Variants in DOCK5 observed in about 807,000 individuals in gnomAD.
DOCK5 encodes the protein dedicator of cytokinesis protein 5.
DOCK5 carries 142 observed loss-of-function variants against 251.8 expected under a neutral mutation model. That is an observed-to-expected ratio of 0.56 (90% confidence interval 0.49 to 0.65). The LOEUF (loss-of-function observed/expected upper bound fraction) is 0.65. DOCK5 is among the 30% of genes least tolerant of loss of function. The probability of loss-of-function intolerance (pLI) is 0.00; values close to 1 mark genes in which losing one functional copy is unlikely to be tolerated. For missense variants in DOCK5, 2,111 were observed against 2,312.3 expected (o/e 0.91, Z 1.79); for synonymous variants, 842 against 835.5 (o/e 1.01, Z -0.13).
At chr8:25,189,921 C>G (rs1220494055) in intron 1 of DOCK5, among the ~76,000 whole-genome samples, 1 of 152,156 alleles carries the variant, frequency 6.6e-6, no homozygotes, top group Non-Finnish European at 1.5e-5. Context: ...GAGTCTTGCT[C>G]TGTCGCCCAG....
At chr8:25,400,025 GGAGGCCACA>G in intron 46 of DOCK5, 31 bp downstream of exon 46, 1 of 1,573,032 alleles carries the variant, frequency 6.4e-7, no homozygotes, top group Non-Finnish European at 8.7e-7. Context: ...ACACTCCCAG[GGAGGCCACA>G]GTGTGGGACA....
At chr8:25,203,675 A>T (rs1801933077) in intron 1 of DOCK5, among the ~76,000 whole-genome samples, 1 of 152,242 alleles carries the variant, frequency 6.6e-6, no homozygotes, top group East Asian at 1.9e-4. Context: ...ATTTTAGACC[A>T]GGAAAAGAGA....
intron 1 of DOCK5, among the ~76,000 whole-genome samples, chr8:25,204,563 A>G (rs1801955858): frequency 6.6e-6 from 1 of 152,216 alleles, no homozygotes; most frequent in Non-Finnish European, 1.5e-5. Context: ...CTAGGATCTA[A>G]AGTTGACATG....
intron 41 of DOCK5, among the ~76,000 whole-genome samples, chr8:25,389,531 G>T (rs950089200): frequency 6.6e-6 from 1 of 152,192 alleles, no homozygotes; most frequent in Non-Finnish European, 1.5e-5. Flanking sequence ...GGATTCTGTT[G>T]TAGACTTTGA....
At chr8:25,355,815 T>C (rs1029815863) in intron 27 of DOCK5, among the ~76,000 whole-genome samples, 13 of 152,086 alleles carry the variant, frequency 8.5e-5, no homozygotes, top group African/African-American at 2.7e-4. Context: ...TATTTAGAGA[T>C]TATAAATAAG....
chr8:25,318,161 C>T (rs1182035278), intron 14 of DOCK5, among the ~76,000 whole-genome samples: 1 of 152,060 alleles, frequency 6.6e-6, no homozygotes, highest in Non-Finnish European at 1.5e-5. Flanking sequence ...CAATCTCTGC[C>T]TGCTGCAACC....
intron 36 of DOCK5, 38 bp from the exon 37 acceptor site, chr8:25,374,526 T>G: frequency 6.4e-7 from 1 of 1,573,974 alleles, no homozygotes; most frequent in Non-Finnish European, 8.6e-7. Context: ...TATAAAACTC[T>G]CGAGTGACAA....
intron 22 of DOCK5, 142 bp downstream of exon 22, chr8:25,336,515 G>A (rs1805814164): frequency 1.7e-6 from 2 of 1,164,590 alleles, no homozygotes; most frequent in Non-Finnish European, 2.4e-6. Flanking sequence ...GGCTGAAGAT[G>A]GATTTGGGCT....
chr8:25,373,349 C>T (rs1264187928), intron 35 of DOCK5, among the ~76,000 whole-genome samples: 3 of 152,094 alleles, frequency 2.0e-5, no homozygotes, highest in African/African-American at 7.2e-5. Flanking sequence ...GCACCCGTCA[C>T]CCGAGCACTG....
chr8:25,414,663 A>C lies in DOCK5; in HGVS notation c.*3365A>C, dbSNP rs1050492450. ...GCAGATGGGTAATTTTCACATAGCTATTTGCCCACATCCGTGCCTCTAAGA... is the reference window on the plus strand; with the variant it reads ...GCAGATGGGTAATTTTCACATAGCTCTTTGCCCACATCCGTGCCTCTAAGA... On this transcript the variant is annotated 3_prime_UTR_variant, in exon 52 of 52. Transcript: ENST00000276440. The C allele has an allele frequency of 6.6e-6, 1 of 152,116 alleles. No individual in the cohort carries two copies. Among genetic ancestry groups the C allele is most frequent in the Admixed American group, 6.6e-5 (1 of 15,264 alleles). The allele number at this position is 152,116 out of a possible 1,614,324, so 9.4% of individuals were successfully genotyped here.
intron 1 of DOCK5, among the ~76,000 whole-genome samples, chr8:25,232,753 T>G (rs1192873814): frequency 6.6e-6 from 1 of 152,112 alleles, no homozygotes; most frequent in Non-Finnish European, 1.5e-5. Flanking sequence ...GATTTCAACA[T>G]AAACATTTAG....
At chr8:25,377,826 G>A (rs1157527644) in intron 38 of DOCK5, among the ~76,000 whole-genome samples, 6 of 152,156 alleles carry the variant, frequency 3.9e-5, no homozygotes, top group South Asian at 2.1e-4. Context: ...CTGTGAACTC[G>A]GGGCACCTTC....
chr8:25,306,032 A>G (rs1004879756), intron 11 of DOCK5, among the ~76,000 whole-genome samples: 1 of 152,204 alleles, frequency 6.6e-6, no homozygotes, highest in African/African-American at 2.4e-5. Flanking sequence ...TAATAGTGCA[A>G]ATAGCCCATG....
intron 11 of DOCK5, among the ~76,000 whole-genome samples, chr8:25,306,749 C>G (rs915224753): frequency 6.6e-6 from 1 of 151,902 alleles, no homozygotes; most frequent in Non-Finnish European, 1.5e-5. Flanking sequence ...GAATGTAATA[C>G]AATGTTAATT....
At chr8:25,362,452 C>CTTTTT in intron 28 of DOCK5, among the ~76,000 whole-genome samples, 1 of 107,078 alleles carries the variant, frequency 9.3e-6, no homozygotes, top group Non-Finnish European at 1.9e-5. Flanking sequence ...CTTTTCTTTT[C>CTTTTT]TTTTCTTTTC....
At chr8:25,330,299 C>T (rs984464581) in intron 18 of DOCK5, among the ~76,000 whole-genome samples, 9 of 152,128 alleles carry the variant, frequency 5.9e-5, no homozygotes, top group African/African-American at 1.9e-4. Flanking sequence ...ATTCCTTCAT[C>T]AAACATGTAT....
chr8:25,393,465 C>CAAG (rs576979236), intron 44 of DOCK5, among the ~76,000 whole-genome samples: 289 of 152,258 alleles, frequency 1.9e-3, no homozygotes, highest in African/African-American at 6.7e-3. Context: ...TCCATGGCTC[C>CAAG]AAGTACCTGG....
At chr8:25,210,045 T>TATATATATATATATATAA in intron 1 of DOCK5, among the ~76,000 whole-genome samples, 1 of 20,650 alleles carries the variant, frequency 4.8e-5, no homozygotes, top group African/African-American at 2.3e-4. Flanking sequence ...AATGTGTGTG[T>TATATATATATATATATAA]GTGTGTGTGT....
chr8:25,250,667 C>G (rs542234348), intron 2 of DOCK5, among the ~76,000 whole-genome samples: 85 of 152,266 alleles, frequency 5.6e-4, no homozygotes, highest in African/African-American at 2.0e-3. Flanking sequence ...TCTTAAGTGA[C>G]AAAATGCAAG....
Sources: allele counts gnomAD v4.1 joint callset (sites outside exome capture counted in the v4.1 genomes callset), GRCh38; gene constraint gnomAD v4.1.1; transcripts MANE v1.5; gene names NCBI Gene and HGNC (gene_info 2026-07-23, HGNC 2026-07-21).